Variants in TBCD observed in about 807,000 individuals in gnomAD.
TBCD encodes tubulin folding cofactor D, also known as tubulin-specific chaperone D.
Under a neutral mutation model 169.3 loss-of-function variants are expected in TBCD, and 105 were observed. That is an observed-to-expected ratio of 0.62 (90% CI 0.53 to 0.73). The LOEUF is 0.73. Among genes scored for constraint, TBCD ranks in the 30% least tolerant of loss-of-function variants. TBCD has a pLI of 0.00. For missense variants in TBCD, 1,444 were observed against 1,600.1 expected, an observed-to-expected ratio of 0.90 and a Z score of 1.66; for synonymous variants, 700 against 643.9, an observed-to-expected ratio of 1.09 and a Z score of -1.32.
chr17:82,940,219 G>GCA (rs1422867605), intron 37 of TBCD, among the ~76,000 whole-genome samples: 159 of 94,614 alleles, frequency 1.7e-3, no homozygotes, highest in East Asian at 4.3e-3. Context: ...ACTTGCACGC[G>GCA]CGCACACACA....
chr17:82,932,295 G>T (rs1362019235), intron 33 of TBCD, among the ~76,000 whole-genome samples: 1 of 152,222 alleles, frequency 6.6e-6, no homozygotes, highest in Non-Finnish European at 1.5e-5. Context: ...TTGACGCCCA[G>T]CGGTGCCCAC....
chr17:82,762,132 C>T (rs1490116845), intron 2 of TBCD, among the ~76,000 whole-genome samples: 2 of 150,850 alleles, frequency 1.3e-5, no homozygotes, highest in Admixed American at 6.6e-5. Context: ...CTGGCTAACA[C>T]GGTGAAACCC....
rs1044661 is a variant in TBCD at position 82,943,144 on chromosome 17, G to A, written c.*681G>A. The A allele has an allele frequency of 0.25, 38,073 of 152,588 alleles. 4,958 individuals are homozygous for A. Among genetic ancestry groups the A allele is most frequent in the East Asian group, 0.44 (2,255 of 5,172 alleles). 9.5% of individuals were successfully genotyped at this position (152,588 alleles called of 1,614,324 possible). A position where few individuals can be genotyped will look rare whatever the true frequency, so the allele number is the denominator to read the frequency against. On this transcript the variant is annotated 3_prime_UTR_variant, in exon 39 of 39. Transcript: ENST00000355528. Reference sequence around the variant, plus strand: ...GGGGAATCGTCAGAGTCCAATGTGTGCCTCTACAGTAATGTCGGAAATAAA... The same window carrying A: ...GGGGAATCGTCAGAGTCCAATGTGTACCTCTACAGTAATGTCGGAAATAAA...
At chr17:82,875,598 G>C (rs144391129) in intron 14 of TBCD, among the ~76,000 whole-genome samples, 1 of 152,212 alleles carries the variant, frequency 6.6e-6, no homozygotes, top group Non-Finnish European at 1.5e-5. Context: ...CCTGCTGAGC[G>C]GCGCGGCCCA....
rs1488729308 is a variant in TBCD, at chr17:82,942,614, C to T, written c.*151C>T. 2 of 964,250 alleles carry T rather than the reference C, an allele frequency of 2.1e-6. No individual in the cohort carries two copies. Among genetic ancestry groups the T allele is most frequent in the Non-Finnish European group, 3.2e-6 (2 of 622,904 alleles). The allele number at this position is 964,250 out of a possible 1,614,324, so 59.7% of individuals were successfully genotyped here. A position where few individuals can be genotyped will look rare whatever the true frequency, so the allele number is the denominator to read the frequency against. ...GGCTGGCACTAGCTGACAGCTTTTC[C>T]TCTCTGCACCTGCGCTCTGGTGACT... On this transcript the variant is annotated 3_prime_UTR_variant, in exon 39 of 39. Coordinates refer to ENST00000355528, the MANE Select transcript of TBCD (RefSeq NM_005993.5).
chr17:82,868,671 C>T (rs2057352772), intron 13 of TBCD, among the ~76,000 whole-genome samples: 1 of 152,142 alleles, frequency 6.6e-6, no homozygotes, highest in Non-Finnish European at 1.5e-5. Context: ...TGCAAAAAGT[C>T]AGAGGGGAAA....
rs756774867 is a variant in TBCD, at chr17:82,831,330, G to C, written c.1318+16396G>C. On this transcript the variant is annotated intron_variant, in intron 13 of 38. Coordinates refer to ENST00000355528, the MANE Select transcript of TBCD (RefSeq NM_005993.5). The surrounding 1 kb of genome is among the most constrained non-coding windows in gnomAD (Gnocchi z 4.6). The stretch of plus-strand genomic sequence containing the variant: ...CCTCAGGAATTGGACTTTCGAACTC[G>C]ACGTGTTTTCTGTTGGGGTCCGAAG... 8.1e-6 allele frequency: 13 copies of C among 1,614,024 alleles called. No homozygotes were observed. Among genetic ancestry groups the C allele is most frequent in the East Asian group, 4.5e-5 (2 of 44,876 alleles).
At position 82,797,778 on chromosome 17, in the gene TBCD, A is replaced by G. The variant is rs1297418593; in HGVS notation, c.793A>G (p.Lys265Glu). The G allele has an allele frequency of 6.3e-7, 1 of 1,578,980 alleles. No homozygotes were observed. The highest frequency in any genetic ancestry group is 8.5e-7 in the Non-Finnish European group (1 of 1,170,418). The change falls in exon 8 of 39, where the codon AAA becomes GAA. Residue 265 changes from lysine (K) to glutamate (E), a missense_variant. Physicochemically the swap from Lys to Glu is moderately conservative, Grantham distance 56. Transcript: ENST00000355528. ...QALAQIFKHG[K>E]REDCLPYAAT... is the part of the protein sequence containing the mutation. ...TTAGGCACAAATATTTAAACATGGAAAACGTGAAGACTGTTTGCCCTATGG... is the reference window on the plus strand; with the variant it reads ...TTAGGCACAAATATTTAAACATGGAGAACGTGAAGACTGTTTGCCCTATGG...
In TBCD at chr17:82,889,320, G is replaced by A. The variant is rs2058968045; in HGVS notation, c.1534-348G>A. 6.6e-6 allele frequency among the ~76,000 whole-genome samples: 1 copy of A among 152,146 alleles called. No homozygotes were observed. The highest frequency in any genetic ancestry group is 2.4e-5 in the African/African-American group (1 of 41,452). On this transcript the variant is annotated intron_variant, in intron 15 of 38. Transcript: ENST00000355528. The surrounding 1 kb of genome is among the most constrained non-coding windows in gnomAD (Gnocchi z 5.3). The stretch of plus-strand genomic sequence containing the variant: ...GGTGACCATGAGCTGCCTCACTCCT[G>A]AGGAAGAGTGTTCGGGCTCTGGGCT...
chr17:82,938,792 T>C (rs1310462294), intron 36 of TBCD, among the ~76,000 whole-genome samples: 1 of 133,210 alleles, frequency 7.5e-6, no homozygotes, highest in Non-Finnish European at 1.6e-5. Flanking sequence ...CGAGATTGCT[T>C]CCCTGATGAA....
chr17:82,925,878 C>T (rs1028191673), intron 27 of TBCD, among the ~76,000 whole-genome samples: 7 of 152,130 alleles, frequency 4.6e-5, no homozygotes, highest in Admixed American at 3.9e-4. Flanking sequence ...TGGCCAGACC[C>T]CCAGTGACAC....
At chr17:82,776,244 C>A (rs771092349) in intron 6 of TBCD, among the ~76,000 whole-genome samples, 9 of 151,930 alleles carry the variant, frequency 5.9e-5, no homozygotes, top group Non-Finnish European at 1.2e-4. Context: ...ACGCTGTATG[C>A]AGAAAAGTTG....
At chr17:82,812,346 G>C (rs1206704753) in intron 12 of TBCD, among the ~76,000 whole-genome samples, 2 of 152,290 alleles carry the variant, frequency 1.3e-5, no homozygotes, top group Non-Finnish European at 2.9e-5. Context: ...GTCAGCAGGA[G>C]CCTCACCACG....
chr17:82,899,373 G>GCGTCCTCAGCA (rs1478563245), intron 17 of TBCD, among the ~76,000 whole-genome samples: 12 of 150,372 alleles, frequency 8.0e-5, no homozygotes, highest in Admixed American at 7.9e-4. Context: ...CGTCCTCAGC[G>GCGTCCTCAGCA]CACGTGTCCT....
intron 7 of TBCD, 131 bp from the exon 8 acceptor site, chr17:82,797,626 T>G: frequency 1.5e-6 from 1 of 688,692 alleles, no homozygotes; most frequent in Non-Finnish European, 2.4e-6. Flanking sequence ...AACTGTTTTC[T>G]TTATTATTAG....
At chr17:82,937,801 C>T (rs1166552505) in intron 35 of TBCD, 52 of 1,362,010 alleles carry the variant, frequency 3.8e-5, no homozygotes, top group Non-Finnish European at 4.6e-5. Context: ...GCAGGGCGAG[C>T]GGCCCTGCAG....
At chr17:82,855,138 T>G (rs890528774) in intron 13 of TBCD, among the ~76,000 whole-genome samples, 1 of 151,502 alleles carries the variant, frequency 6.6e-6, no homozygotes, top group Non-Finnish European at 1.5e-5. Context: ...ATGGGCCACT[T>G]TGGCCCCCAC....
chr17:82,851,691 G>T lies in TBCD; in HGVS notation c.1319-18533G>T, dbSNP rs572127108. Among the ~76,000 whole-genome samples, 6 of 152,320 alleles carry T rather than the reference G, an allele frequency of 3.9e-5. No individual in the cohort carries two copies. The East Asian group carries it at 1.2e-3, about 29-fold the overall frequency. On this transcript the variant is annotated intron_variant, in intron 13 of 38. Transcript: ENST00000355528. ...ACAAAGATGAGAGAGGACACACAGAGCCAAACGCAGCTCTTCGAGAGGGCT... is the reference window on the plus strand; with the variant it reads ...ACAAAGATGAGAGAGGACACACAGATCCAAACGCAGCTCTTCGAGAGGGCT...
chr17:82,925,454 G>T (rs1219885756), intron 27 of TBCD, among the ~76,000 whole-genome samples: 1 of 152,152 alleles, frequency 6.6e-6, no homozygotes, highest in Non-Finnish European at 1.5e-5. Context: ...CCTCCCAGAG[G>T]TCAGCCCCAC....
Sources: gnomAD v4.1 joint callset for allele counts (sites outside exome capture counted in the v4.1 genomes callset) on GRCh38, gnomAD v4.1.1 for gene constraint, Gnocchi (gnomAD v3.1) non-coding constraint, MANE v1.5 for transcripts, NCBI Gene and HGNC (gene_info 2026-07-23, HGNC 2026-07-21) for gene names.